The following UBE4B variants were observed in gnomAD, a reference collection of about 807,000 sequenced individuals.
The protein encoded by UBE4B is ubiquitination factor E4B.
Under a neutral mutation model 148.1 loss-of-function variants are expected in UBE4B, and 27 were observed. The ratio of observed to expected loss-of-function variants is 0.18; its 90% CI spans 0.13 to 0.25. The LOEUF (loss-of-function observed/expected upper bound fraction) is 0.25. UBE4B is among the 10% of genes least tolerant of loss of function. The pLI is 1.00. For missense variants in UBE4B, 1,170 were observed against 1,662.4 expected (o/e 0.70, Z 5.15); for synonymous variants, 596 against 619.3 (o/e 0.96, Z 0.56).
At chr1:10,175,587 C>CT (rs919137399) in intron 25 of UBE4B, among the ~76,000 whole-genome samples, 1 of 151,832 alleles carries the variant, frequency 6.6e-6, no homozygotes, top group Non-Finnish European at 1.5e-5. Context: ...GGAGGTGGAG[C>CT]TTGCAGTGAG....
chr1:10,154,427 T>TAGCTA (rs1357826193), intron 21 of UBE4B, among the ~76,000 whole-genome samples: 2 of 152,128 alleles, frequency 1.3e-5, no homozygotes, highest in African/African-American at 4.8e-5. Flanking sequence ...AACAGCTGAA[T>TAGCTA]AGCTATACTC....
intron 16 of UBE4B, among the ~76,000 whole-genome samples, chr1:10,135,936 T>C (rs1645675094): frequency 6.6e-6 from 1 of 152,138 alleles, no homozygotes; most frequent in Non-Finnish European, 1.5e-5. Context: ...TTCTCAATAA[T>C]TCTACTTTTC....
Position 10,161,169 on chromosome 1 carries a change from A to T in UBE4B, c.3081A>T (p.Ile1027=). 5.6e-6 allele frequency: 9 copies of T among 1,614,124 alleles called. No individual in the cohort carries two copies. Among genetic ancestry groups the T allele is most frequent in the Non-Finnish European group, 6.8e-6 (8 of 1,180,018 alleles). ...FNSGKQFVRY[I]NMLINDTTFL... is the part of the protein sequence containing the mutation. The stretch of plus-strand genomic sequence containing the variant: ...CCGGGAAGCAGTTTGTTCGCTATAT[A>T]AACATGTTGATAAACGACACGACGT... The change falls in exon 23 of 28, where the codon ATA becomes ATT. Residue 1027 remains isoleucine, a synonymous_variant. Transcript: ENST00000343090. The surrounding 1 kb of genome is among the most constrained non-coding windows in gnomAD (Gnocchi z 4.1).
chr1:10,086,890 A>AT (rs1184058194), intron 2 of UBE4B, among the ~76,000 whole-genome samples: 1 of 152,080 alleles, frequency 6.6e-6, no homozygotes, highest in Non-Finnish European at 1.5e-5. Context: ...GGGTTTCACC[A>AT]TGTTGGCCAG....
intron 1 of UBE4B, among the ~76,000 whole-genome samples, chr1:10,036,940 G>C (rs907719988): frequency 7.9e-5 from 12 of 152,270 alleles, no homozygotes; most frequent in Middle Eastern, 3.4e-3. Context: ...CGTGAAAAAG[G>C]CTGGTATAAC....
intron 17 of UBE4B, among the ~76,000 whole-genome samples, chr1:10,140,082 T>C (rs1172634795): frequency 6.6e-6 from 1 of 152,174 alleles, no homozygotes; most frequent in Non-Finnish European, 1.5e-5. Context: ...TTCCAACCCT[T>C]TCGCTTATGT....
intron 25 of UBE4B, among the ~76,000 whole-genome samples, chr1:10,172,528 A>G (rs1005394371): frequency 2.0e-5 from 3 of 152,004 alleles, no homozygotes; most frequent in East Asian, 3.9e-4. Context: ...TCTGCTGTCC[A>G]CTTAAAATGC....
intron 10 of UBE4B, among the ~76,000 whole-genome samples, chr1:10,126,465 A>C (rs901660633): frequency 1.3e-5 from 2 of 152,324 alleles, no homozygotes; most frequent in East Asian, 3.9e-4. Context: ...GAGTAGAGCA[A>C]CGACTCCTGG....
chr1:10,165,724 C>T (rs572787232), intron 23 of UBE4B, among the ~76,000 whole-genome samples: 3 of 152,270 alleles, frequency 2.0e-5, no homozygotes, highest in Middle Eastern at 3.4e-3. Flanking sequence ...CTCAGATTTT[C>T]CGACTCCTTC....
At position 10,130,731 on chromosome 1, in the gene UBE4B, A is replaced by C; in HGVS notation, c.1829A>C (p.Lys610Thr). 1 of 1,614,136 alleles carries C rather than the reference A, an allele frequency of 6.2e-7. No homozygotes were observed. The highest frequency in any genetic ancestry group is 8.5e-7 in the Non-Finnish European group (1 of 1,180,030). ...FAEDDVKVVEKYFSGPAITLE... is the reference protein window; with the variant it reads ...FAEDDVKVVETYFSGPAITLE... ...TCTTTCCAGGTTAAAGTGGTTGAAA[A>C]ATACTTCTCAGGGCCTGCCATTACC... Residue 610 changes from lysine (K) to threonine (T), a missense_variant, in exon 14 of 28, where the codon AAA becomes ACA. Physicochemically the swap from Lys to Thr is moderately conservative, Grantham distance 78. This residue lies in a region of UBE4B where 388 missense variants were observed against 536.0 expected (regional missense o/e 0.72). Transcript: ENST00000343090.
At position 10,106,314 on chromosome 1, in the gene UBE4B, C is replaced by A; in HGVS notation, c.927C>A (p.Pro309=). Residue 309 remains proline (P), a synonymous_variant, in exon 7 of 28, where the codon CCC becomes CCA. Transcript: ENST00000343090. This position sits in a 1 kb window ranked among gnomAD's most constrained non-coding sequence, Gnocchi z 4.2. ...GCCAGTTGGCTGTGCCTTCCACTCC[C>A]CTCAGTCCTCACAGTGCAGCCTCTG... is the stretch of plus-strand genomic sequence containing the variant. ...AASQLAVPST[P]LSPHSAASGT... 2 of 1,614,188 alleles carry A rather than the reference C, an allele frequency of 1.2e-6. No homozygotes were observed. Among genetic ancestry groups the A allele is most frequent in the Non-Finnish European group, 1.7e-6 (2 of 1,180,030 alleles).
Position 10,099,531 on chromosome 1 carries a change from A to ATATAAT in UBE4B, c.348-1573_348-1572insATTATA, listed in dbSNP as rs529918041. Among the ~76,000 whole-genome samples the ATATAAT allele has an allele frequency of 4.6e-3, 701 of 152,304 alleles. 3 individuals carry two copies. Among genetic ancestry groups the ATATAAT allele is most frequent in the Middle Eastern group, 0.01 (3 of 294 alleles). ...CTTGGAGAGTAATGAAAACTCAGTA[A>ATATAAT]TATATTACTTCTCCCCAAGTTGATC... On this transcript the variant is annotated intron_variant, in intron 3 of 27. Coordinates refer to ENST00000343090, the MANE Select transcript of UBE4B (RefSeq NM_001105562.3).
At chr1:10,075,328 A>T (rs1454741257) in intron 2 of UBE4B, among the ~76,000 whole-genome samples, 1 of 152,166 alleles carries the variant, frequency 6.6e-6, no homozygotes, top group Non-Finnish European at 1.5e-5. Flanking sequence ...CCAGATTCTC[A>T]CCACCTGTTT....
Position 10,127,828 on chromosome 1 carries a change from C to T in UBE4B, c.1638+951C>T, listed in dbSNP as rs1386440071. On this transcript the variant is annotated intron_variant, in intron 11 of 27. Transcript: ENST00000343090. ...TACTGCAAAAATAAGAGCTACAGCGCAACAGTTGAACAGATACTGTGATAA... is the reference window on the plus strand; with the variant it reads ...TACTGCAAAAATAAGAGCTACAGCGTAACAGTTGAACAGATACTGTGATAA... 2.6e-5 allele frequency among the ~76,000 whole-genome samples: 4 copies of T among 152,162 alleles called. No homozygotes were observed. In the East Asian group the frequency reaches 7.7e-4, roughly 29 times the overall value.
chr1:10,132,391 A>G lies in UBE4B; in HGVS notation c.1934A>G (p.His645Arg), dbSNP rs1645610472. Reference sequence around the variant, plus strand: ...CAGCAAGAGCTTTTTAAGATTCTGCATAGTATTTTGTTAAATGGCGAAACC... The same window carrying G: ...CAGCAAGAGCTTTTTAAGATTCTGCGTAGTATTTTGTTAAATGGCGAAACC... ...LGRQELFKIL[H>R]SILLNGETRE... The change falls in exon 15 of 28, where the codon CAT (histidine) becomes CGT (arginine). Residue 645 changes from histidine to arginine, a missense_variant. His to Arg is a conservative substitution (Grantham distance 29, BLOSUM62 0). Around this residue, in one of 6 missense-constraint regions of UBE4B, gnomAD observed 388 missense variants for 536.0 expected, o/e 0.72. Transcript: ENST00000343090. The G allele has an allele frequency of 1.9e-6, 3 of 1,613,868 alleles. No homozygotes were observed. The highest frequency in any genetic ancestry group is 2.5e-6 in the Non-Finnish European group (3 of 1,179,974).
At chr1:10,172,595 A>C (rs76822479) in intron 25 of UBE4B, among the ~76,000 whole-genome samples, 3,788 of 152,166 alleles carry the variant, frequency 0.025, 84 homozygotes, top group South Asian at 0.087. Context: ...TACTTATCCA[A>C]ATACTATTCA....
chr1:10,065,503 A>G (rs745951135), intron 1 of UBE4B, among the ~76,000 whole-genome samples: 1 of 152,186 alleles, frequency 6.6e-6, no homozygotes, highest in African/African-American at 2.4e-5. Context: ...CTGCAGGGGT[A>G]GTTTCGGCCC....
rs1447357823 is a variant in UBE4B, at chr1:10,057,103, C to T, written c.25-14925C>T. Among the ~76,000 whole-genome samples, 10 of 152,138 alleles carry T rather than the reference C, an allele frequency of 6.6e-5. No homozygotes were observed. In the East Asian group the frequency reaches 1.9e-3, roughly 29 times the overall value. On this transcript the variant is annotated intron_variant, in intron 1 of 27. Coordinates refer to ENST00000343090, the MANE Select transcript of UBE4B (RefSeq NM_001105562.3). Reference sequence around the variant, plus strand: ...CTGGGATTACAGGTGTGAGCCACCACACCTGGCCCCTTATTATTCTAATTT... The same window carrying T: ...CTGGGATTACAGGTGTGAGCCACCATACCTGGCCCCTTATTATTCTAATTT...
At chr1:10,056,787 T>C (rs1302714375) in intron 1 of UBE4B, among the ~76,000 whole-genome samples, 1 of 152,154 alleles carries the variant, frequency 6.6e-6, no homozygotes, top group Non-Finnish European at 1.5e-5. Context: ...ACTCACCCAT[T>C]GCACATGGTC....
Sources: gnomAD v4.1 joint callset for allele counts (sites outside exome capture counted in the v4.1 genomes callset) on GRCh38, gnomAD v4.1.1 for gene constraint, gnomAD v4.1.1 regional missense constraint, Gnocchi (gnomAD v3.1) non-coding constraint, MANE v1.5 for transcripts, NCBI Gene and HGNC (gene_info 2026-07-23, HGNC 2026-07-21) for gene names.